PTPRE: variants seen among roughly 807,000 people sequenced by gnomAD.
The protein encoded by PTPRE is protein tyrosine phosphatase receptor type E, also known as receptor-type tyrosine-protein phosphatase epsilon.
In PTPRE, 51 loss-of-function variants were observed where a neutral mutation model predicts 102.0. That is an observed-to-expected ratio of 0.50 (90% CI 0.40 to 0.63). The LOEUF (loss-of-function observed/expected upper bound fraction) is 0.63. PTPRE is among the 30% of genes least tolerant of loss of function. The probability of loss-of-function intolerance (pLI) is 0.00; values close to 1 mark genes in which losing one functional copy is unlikely to be tolerated. For synonymous variants in PTPRE, 345 were observed against 348.2 expected (o/e 0.99, Z 0.10); for missense variants, 752 against 915.1 (o/e 0.82, Z 2.30).
intron 1 of PTPRE, among the ~76,000 whole-genome samples, chr10:127,947,525 C>G (rs1450740454): frequency 6.6e-6 from 1 of 152,234 alleles, no homozygotes; most frequent in Non-Finnish European, 1.5e-5. Flanking sequence ...CTTACATCCT[C>G]TGATGCCTCT....
At chr10:128,005,245 A>G (rs1854405695) in intron 2 of PTPRE, among the ~76,000 whole-genome samples, 1 of 152,224 alleles carries the variant, frequency 6.6e-6, no homozygotes, top group Admixed American at 6.5e-5. Context: ...ATGATTCTAG[A>G]CAGAGACTGA....
At chr10:128,061,446 T>C (rs1849583952) in intron 8 of PTPRE, among the ~76,000 whole-genome samples, 1 of 152,230 alleles carries the variant, frequency 6.6e-6, no homozygotes, top group Non-Finnish European at 1.5e-5. Flanking sequence ...GCATGTCTGC[T>C]TGTGGGTGAG....
intron 2 of PTPRE, among the ~76,000 whole-genome samples, chr10:128,016,363 C>T (rs1845426237): frequency 6.6e-6 from 1 of 152,202 alleles, no homozygotes; most frequent in Admixed American, 6.5e-5. Flanking sequence ...GTTAACCAGG[C>T]ACCCCCAGCC....
chr10:128,014,641 AG>A (rs1298018982), intron 2 of PTPRE, among the ~76,000 whole-genome samples: 2 of 152,170 alleles, frequency 1.3e-5, no homozygotes, highest in African/African-American at 4.8e-5. Context: ...TGGAAAAGGA[AG>A]CATTTCACTT....
chr10:127,928,588 G>A (rs373915820), intron 1 of PTPRE, among the ~76,000 whole-genome samples: 1 of 152,150 alleles, frequency 6.6e-6, no homozygotes, highest in Non-Finnish European at 1.5e-5. Flanking sequence ...CTGGATGGAG[G>A]ACAGATTAGC....
intron 2 of PTPRE, chr10:127,987,265 C>A: frequency 9.0e-7 from 1 of 1,108,128 alleles, no homozygotes; most frequent in South Asian, 1.7e-5. Flanking sequence ...AAACTCATGT[C>A]TCGTCACCGT....
intron 2 of PTPRE, among the ~76,000 whole-genome samples, chr10:127,989,753 A>G (rs942038825): frequency 5.9e-5 from 9 of 152,282 alleles, no homozygotes; most frequent in East Asian, 3.8e-4. Context: ...GGATTCTGCA[A>G]ACGGTTTGCT....
chr10:128,050,871 AC>A (rs1848514694), intron 6 of PTPRE, among the ~76,000 whole-genome samples: 1 of 152,204 alleles, frequency 6.6e-6, no homozygotes, highest in African/African-American at 2.4e-5. Flanking sequence ...CAGAAATGAG[AC>A]TTTACCCAGA....
chr10:128,070,760 A>G lies in PTPRE; in HGVS notation c.1294-48A>G. The G allele has an allele frequency of 6.4e-7, 1 of 1,572,216 alleles. No individual in the cohort carries two copies. The highest frequency in any genetic ancestry group is 8.7e-7 in the Non-Finnish European group (1 of 1,144,148). ...TAGTCCTCGGCTGAGCAATGTGCTC[A>G]GGAGTGTCAGAGGTTTAACTGTGTC... On this transcript the variant is annotated intron_variant, in intron 14 of 20. Coordinates refer to ENST00000254667, the MANE Select transcript of PTPRE (RefSeq NM_006504.6). The surrounding 1 kb of genome is among the most constrained non-coding windows in gnomAD (Gnocchi z 4.8).
In PTPRE at chr10:128,070,863, C is replaced by T. The variant is rs1301239635; in HGVS notation, c.1349C>T (p.Ala450Val). The change falls in exon 15 of 21, where the codon GCA becomes GTA. Residue 450 changes from alanine to valine, a missense_variant. This residue lies in a region of PTPRE where 636 missense variants were observed against 824.4 expected (regional missense o/e 0.77). Coordinates refer to ENST00000254667, the MANE Select transcript of PTPRE (RefSeq NM_006504.6). The surrounding 1 kb of genome is among the most constrained non-coding windows in gnomAD (Gnocchi z 4.8). ...KENMRTGNLP[A>V]NMKKARVIQI... ...AACATGAGGACGGGCAACTTGCCGGCAAACATGAAGAAGGCCAGGGTCATC... is the reference window on the plus strand; with the variant it reads ...AACATGAGGACGGGCAACTTGCCGGTAAACATGAAGAAGGCCAGGGTCATC... 1.9e-6 allele frequency: 3 copies of T among 1,614,174 alleles called. No individual in the cohort carries two copies. Among genetic ancestry groups the T allele is most frequent in the Non-Finnish European group, 2.5e-6 (3 of 1,180,008 alleles).
chr10:127,995,968 CT>C (rs1410102722), intron 2 of PTPRE, among the ~76,000 whole-genome samples: 1 of 152,176 alleles, frequency 6.6e-6, no homozygotes, highest in African/African-American at 2.4e-5. Flanking sequence ...AGCAAGCCAT[CT>C]AGCCTACATG....
chr10:127,911,337 C>T (rs111507774), intron 1 of PTPRE, among the ~76,000 whole-genome samples: 2,901 of 152,256 alleles, frequency 0.019, 87 homozygotes, highest in African/African-American at 0.066. Flanking sequence ...CTCCAGTGAT[C>T]GATGAGGCAG....
intron 2 of PTPRE, among the ~76,000 whole-genome samples, chr10:127,990,759 C>T (rs11016001): frequency 0.2 from 30,114 of 152,152 alleles, 3,397 homozygotes; most frequent in African/African-American, 0.29. Context: ...CTTCCTCCTC[C>T]TGCCTCGCTC....
At chr10:127,948,675 A>C (rs189544519) in intron 1 of PTPRE, among the ~76,000 whole-genome samples, 3 of 152,166 alleles carry the variant, frequency 2.0e-5, no homozygotes, top group African/African-American at 4.8e-5. Context: ...CAGGCTTTTC[A>C]TGAGTTGATA....
intron 1 of PTPRE, among the ~76,000 whole-genome samples, chr10:127,935,558 C>T (rs985816783): frequency 9.9e-5 from 15 of 152,104 alleles, no homozygotes; most frequent in African/African-American, 3.6e-4. Flanking sequence ...TCCTTTGCTC[C>T]CCTTTCTTCC....
intron 2 of PTPRE, among the ~76,000 whole-genome samples, chr10:127,982,611 C>T (rs1461034511): frequency 6.6e-6 from 1 of 151,670 alleles, no homozygotes; most frequent in African/African-American, 2.4e-5. Flanking sequence ...ACTGACGTGT[C>T]GTTGCTTTTA....
At chr10:127,932,657 C>G (rs1359979905) in intron 1 of PTPRE, among the ~76,000 whole-genome samples, 1 of 152,218 alleles carries the variant, frequency 6.6e-6, no homozygotes, top group Non-Finnish European at 1.5e-5. Context: ...CACCCTCCCA[C>G]TCAACACTCC....
At position 127,951,211 on chromosome 10, in the gene PTPRE, C is replaced by T. The variant is rs918451686; in HGVS notation, c.-30-31063C>T. 3.9e-5 allele frequency among the ~76,000 whole-genome samples: 6 copies of T among 152,300 alleles called. No homozygotes were observed. The South Asian group carries it at 8.3e-4, about 21-fold the overall frequency. On this transcript the variant is annotated intron_variant, in intron 1 of 20. Coordinates refer to ENST00000254667, the MANE Select transcript of PTPRE (RefSeq NM_006504.6). ...AACTCAAATCATAAAAACTGAGAGT[C>T]GTGGCTCCTCAATGAATTCCCAGAC...
chr10:128,063,516 G>A (rs150899203), intron 10 of PTPRE, among the ~76,000 whole-genome samples: 3 of 152,314 alleles, frequency 2.0e-5, no homozygotes, highest in African/African-American at 4.8e-5. Flanking sequence ...CGTGTCATGC[G>A]GCAGAGCTCA....
Sources: gnomAD v4.1 joint callset for allele counts (sites outside exome capture counted in the v4.1 genomes callset) on GRCh38, gnomAD v4.1.1 for gene constraint, gnomAD v4.1.1 regional missense constraint, Gnocchi (gnomAD v3.1) non-coding constraint, MANE v1.5 for transcripts, NCBI Gene and HGNC (gene_info 2026-07-23, HGNC 2026-07-21) for gene names.